PCDHA3: variants seen among roughly 807,000 people sequenced by gnomAD.
PCDHA3 encodes protocadherin alpha-3.
Under a neutral mutation model 62.2 loss-of-function variants are expected in PCDHA3, and 41 were observed. The ratio of observed to expected loss-of-function variants is 0.66; its 90% CI spans 0.51 to 0.86. The LOEUF (loss-of-function observed/expected upper bound fraction) is 0.86. PCDHA3 is among the 40% of genes least tolerant of loss of function. The pLI is 0.00. For missense variants in PCDHA3, 1,304 were observed against 1,241.2 expected, an observed-to-expected ratio of 1.05 and a Z score of -0.76; for synonymous variants, 640 against 555.4, an observed-to-expected ratio of 1.15 and a Z score of -2.14.
rs201694939 is a variant in PCDHA3, at chr5:140,830,233, G to A, written c.2394+26642G>A. 38 of 1,613,906 alleles carry A rather than the reference G, an allele frequency of 2.4e-5. No individual in the cohort carries two copies. In the Admixed American group the frequency reaches 4.8e-4, roughly 21 times the overall value. ...CGGTATCCAGCCTGCTGGTCCTCAC[G>A]CTACTGCTGTACACAGCGCTGCGGT... On this transcript the variant is annotated intron_variant, in intron 1 of 3. Transcript: ENST00000522353.
intron 3 of PCDHA3, among the ~76,000 whole-genome samples, chr5:141,005,808 C>T (rs2153985730): frequency 6.6e-6 from 1 of 150,460 alleles, no homozygotes; most frequent in African/African-American, 2.5e-5. Context: ...CTCCAAGGAG[C>T]CAGGTATGGT....
At chr5:140,822,940 ATGCCCCACGTTCCCTTCAAGCTGG>A (rs1767480245) in intron 1 of PCDHA3, 1 of 1,614,204 alleles carries the variant, frequency 6.2e-7, no homozygotes, top group Admixed American at 1.7e-5. Flanking sequence ...CTGCTCCCTA[ATGCCCCACGTTCCCTTCAAGCTGG>A]TGTCCACCTT....
rs2043307910 is a variant in PCDHA3, at chr5:140,855,009, A to C, written c.2394+51418A>C. Among the ~76,000 whole-genome samples the C allele has an allele frequency of 1.3e-5, 2 of 149,938 alleles. 1 individual carries two copies. Among genetic ancestry groups the C allele is most frequent in the Admixed American group, 1.3e-4 (2 of 14,922 alleles). ...CTTTTTGCCCGTGTAAGATATTATA[A>C]AATGAAACTTCTTGTATAAAGGATT... On this transcript the variant is annotated intron_variant, in intron 1 of 3. Coordinates refer to ENST00000522353, the MANE Select transcript of PCDHA3 (RefSeq NM_018906.3).
In PCDHA3 at chr5:140,823,940, G is replaced by C. The variant is rs2150130604; in HGVS notation, c.2394+20349G>C. The C allele has an allele frequency of 2.5e-5, 40 of 1,613,848 alleles. No individual in the cohort carries two copies. The highest frequency in any genetic ancestry group is 3.2e-5 in the Non-Finnish European group (38 of 1,179,972). Reference sequence around the variant, plus strand: ...CTGCTGCTGTACACCGCGCTGCGGTGCTCGGCGCAGCCCACCGAGGCCGTG... The same window carrying C: ...CTGCTGCTGTACACCGCGCTGCGGTCCTCGGCGCAGCCCACCGAGGCCGTG... On this transcript the variant is annotated intron_variant, in intron 1 of 3. Transcript: ENST00000522353.
Position 140,843,574 on chromosome 5 carries a change from G to T in PCDHA3, c.2394+39983G>T, listed in dbSNP as rs2150362915. On this transcript the variant is annotated intron_variant, in intron 1 of 3. Transcript: ENST00000522353. ...GTGCGGTGGGGAGCTGGTCATACTC[G>T]CAACAACAGCCGCAGAGGGTGTGCT... 67 of 1,595,908 alleles carry T rather than the reference G, an allele frequency of 4.2e-5. 3 individuals are homozygous for T. The East Asian group carries it at 1.4e-3, about 34-fold the overall frequency.
chr5:140,870,352 G>C, intron 1 of PCDHA3: 8 of 1,614,226 alleles, frequency 5.0e-6, no homozygotes, highest in Non-Finnish European at 5.9e-6. Context: ...CCGCGAGAAC[G>C]TGTGGGCCTA....
chr5:140,961,793 A>G (rs1554225592), intron 1 of PCDHA3, among the ~76,000 whole-genome samples: 2 of 152,166 alleles, frequency 1.3e-5, no homozygotes, highest in Admixed American at 1.3e-4. Flanking sequence ...TTTTTAAAAG[A>G]TAGGAAATTG....
At chr5:140,843,834 G>C in intron 1 of PCDHA3, 1 of 1,102,920 alleles carries the variant, frequency 9.1e-7, no homozygotes, top group Non-Finnish European at 1.3e-6. Flanking sequence ...ACATTGTTTA[G>C]TTTTTAGAAA....
chr5:140,939,993 G>A (rs889924458), intron 1 of PCDHA3, among the ~76,000 whole-genome samples: 3 of 151,902 alleles, frequency 2.0e-5, no homozygotes, highest in African/African-American at 7.3e-5. Context: ...GTTTCTCCTT[G>A]GATTTTGTCA....
intron 1 of PCDHA3, chr5:140,810,296 A>T (rs782463375): frequency 2.0e-5 from 3 of 152,214 alleles, no homozygotes; most frequent in Non-Finnish European, 4.4e-5. Context: ...TCATAAATAT[A>T]TTGTACATTT....
intron 1 of PCDHA3, chr5:140,883,443 A>AT (rs1554178222): frequency 6.2e-7 from 1 of 1,614,136 alleles, no homozygotes; most frequent in Admixed American, 1.7e-5. Flanking sequence ...TTGACGCCGC[A>AT]TGTCCCCTTC....
chr5:140,930,781 CAATAT>C (rs1259470112), intron 1 of PCDHA3, among the ~76,000 whole-genome samples: 2 of 152,048 alleles, frequency 1.3e-5, no homozygotes, highest in African/African-American at 4.8e-5. Context: ...AATATTTTCA[CAATAT>C]AATAGAATCC....
intron 1 of PCDHA3, among the ~76,000 whole-genome samples, chr5:140,888,585 AC>A (rs1327529840): frequency 4.6e-5 from 7 of 152,358 alleles, no homozygotes; most frequent in African/African-American, 1.4e-4. Flanking sequence ...ATTTGTTAGT[AC>A]ACATTCAGAG....
In PCDHA3 at chr5:140,877,669, G is replaced by A. The variant is rs548426920; in HGVS notation, c.2394+74078G>A. The A allele has an allele frequency of 1.4e-4, 219 of 1,613,638 alleles. 3 individuals are homozygous for A. The South Asian group carries it at 2.2e-3, about 17-fold the overall frequency. On this transcript the variant is annotated intron_variant, in intron 1 of 3. Coordinates refer to ENST00000522353, the MANE Select transcript of PCDHA3 (RefSeq NM_018906.3). ...AGCGCCGCCCACCGTGAGCCGGTGC[G>A]CGCCGGGCAAGCCCACGCTGGTGTG...
At chr5:140,997,816 T>C (rs1363819907) in intron 3 of PCDHA3, among the ~76,000 whole-genome samples, 1 of 152,232 alleles carries the variant, frequency 6.6e-6, no homozygotes, top group African/African-American at 2.4e-5. Flanking sequence ...TGTTGGTATC[T>C]ATGTTTTCTA....
At chr5:140,999,486 A>G (rs1282748321) in intron 3 of PCDHA3, among the ~76,000 whole-genome samples, 1 of 152,144 alleles carries the variant, frequency 6.6e-6, no homozygotes, top group Non-Finnish European at 1.5e-5. Context: ...ACTCAAGTCT[A>G]TGTTACCCAA....
chr5:140,865,652 A>G (rs1413896571), intron 1 of PCDHA3: 1 of 152,206 alleles, frequency 6.6e-6, no homozygotes, highest in Non-Finnish European at 1.5e-5. Context: ...ACATTATTTC[A>G]TTTAATACTT....
At chr5:140,857,244 C>G in intron 1 of PCDHA3, 1 of 1,598,592 alleles carries the variant, frequency 6.3e-7, no homozygotes, top group Non-Finnish European at 8.6e-7. Context: ...CTGGTGTCCA[C>G]CTACAAGAAT....
intron 1 of PCDHA3, chr5:140,835,612 A>C (rs1226937699): frequency 1.9e-6 from 3 of 1,613,770 alleles, no homozygotes; most frequent in Non-Finnish European, 1.7e-6. Context: ...TTGGTGCTGG[A>C]CAGCGCTCTG....
Sources: allele counts gnomAD v4.1 joint callset (sites outside exome capture counted in the v4.1 genomes callset), GRCh38; gene constraint gnomAD v4.1.1; transcripts MANE v1.5; gene names NCBI Gene and HGNC (gene_info 2026-07-23, HGNC 2026-07-21).